Variants in ADD1 observed in about 807,000 individuals in gnomAD.
ADD1 encodes the protein alpha-adducin.
In ADD1, 24 loss-of-function variants were observed where a neutral mutation model predicts 80.5. The ratio of observed to expected loss-of-function variants is 0.30; its 90% CI spans 0.22 to 0.42. ADD1 has a LOEUF of 0.42. Ranked by LOEUF, ADD1 falls within the 10% of genes least tolerant of loss-of-function variation. ADD1 has a pLI of 1.00. For missense variants in ADD1, 948 were observed against 1,019.0 expected (o/e 0.93, Z 0.95); for synonymous variants, 373 against 393.8 (o/e 0.95, Z 0.63).
Position 2,926,757 on chromosome 4 carries a change from T to A in ADD1, c.2047+645T>A. ...CTGCTTCTTTGTTGTTTATTAAGTT[T>A]TGTTTTCTGTTTATTTAAAATAAAA... On this transcript the variant is annotated intron_variant, in intron 15 of 15. Transcript: ENST00000683351. The surrounding 1 kb of genome is among the most constrained non-coding windows in gnomAD (Gnocchi z 5.0). 4 of 1,459,138 alleles carry A rather than the reference T, an allele frequency of 2.7e-6. No individual in the cohort carries two copies. The South Asian group carries it at 3.7e-5, about 13-fold the overall frequency. The allele number at this position is 1,459,138 out of a possible 1,614,324, so 90.4% of individuals were successfully genotyped here. A position where few individuals can be genotyped will look rare whatever the true frequency, so the allele number is the denominator to read the frequency against.
intron 13 of ADD1, among the ~76,000 whole-genome samples, chr4:2,910,900 C>T (rs1000915251): frequency 6.6e-6 from 1 of 152,198 alleles, no homozygotes; most frequent in African/African-American, 2.4e-5. Flanking sequence ...ATCCTTGTTC[C>T]ACCTTTGTGT....
At chr4:2,913,645 G>A (rs961544289) in intron 13 of ADD1, among the ~76,000 whole-genome samples, 4 of 151,948 alleles carry the variant, frequency 2.6e-5, no homozygotes, top group Admixed American at 1.3e-4. Flanking sequence ...ATGCTAGGTG[G>A]TAACCCCTCA....
At chr4:2,852,189 T>TCTTTCTTTCTTTC (rs1553815101) in intron 1 of ADD1, among the ~76,000 whole-genome samples, 65 of 50,796 alleles carry the variant, frequency 1.3e-3, no homozygotes, top group African/African-American at 3.3e-3. Flanking sequence ...TTTCTTTCTT[T>TCTTTCTTTCTTTC]CTTTCTTTCC....
At chr4:2,847,617 T>C (rs1323160551) in intron 1 of ADD1, among the ~76,000 whole-genome samples, 1 of 152,220 alleles carries the variant, frequency 6.6e-6, no homozygotes, top group Non-Finnish European at 1.5e-5. Flanking sequence ...TTTATTTTGC[T>C]AGTGTTGAGA....
chr4:2,910,584 A>G (rs1055170147), intron 13 of ADD1, among the ~76,000 whole-genome samples: 7 of 152,006 alleles, frequency 4.6e-5, no homozygotes, highest in African/African-American at 1.7e-4. Context: ...TGTGCAGGCC[A>G]TGAGCCCAGC....
intron 9 of ADD1, among the ~76,000 whole-genome samples, chr4:2,904,364 A>G (rs1467896119): frequency 1.3e-5 from 2 of 152,204 alleles, no homozygotes; most frequent in African/African-American, 4.8e-5. Context: ...CATCTTCTGC[A>G]CTTTTAATGA....
intron 6 of ADD1, among the ~76,000 whole-genome samples, chr4:2,897,491 C>G (rs1447827384): frequency 6.8e-6 from 1 of 147,742 alleles, no homozygotes; most frequent in Non-Finnish European, 1.5e-5. Context: ...TTATCTACAA[C>G]CTAAGATAAA....
chr4:2,864,284 G>A (rs1322611444), intron 1 of ADD1, among the ~76,000 whole-genome samples: 1 of 152,142 alleles, frequency 6.6e-6, no homozygotes, highest in Non-Finnish European at 1.5e-5. Flanking sequence ...GTGGTGGCGT[G>A]TGCCCGTAGT....
At chr4:2,901,856 C>CCCCG (rs1553845592) in intron 9 of ADD1, 2 of 149,616 alleles carry the variant, frequency 1.3e-5, no homozygotes, top group South Asian at 2.1e-4. Context: ...TTGTCCCCCC[C>CCCCG]CCAAAAAAAA....
chr4:2,884,192 T>C (rs558109762), intron 3 of ADD1, among the ~76,000 whole-genome samples: 2 of 152,392 alleles, frequency 1.3e-5, no homozygotes, highest in South Asian at 2.1e-4. Flanking sequence ...CTTTTTGTTA[T>C]TGATTTCTAA....
chr4:2,882,002 G>A lies in ADD1; in HGVS notation c.300G>A (p.Thr100=), dbSNP rs762511882. The A allele has an allele frequency of 6.2e-7, 1 of 1,613,260 alleles. No homozygotes were observed. Among genetic ancestry groups the A allele is most frequent in the Admixed American group, 1.7e-5 (1 of 59,790 alleles). The change falls in exon 3 of 16, where the codon ACG becomes ACA. Residue 100 remains threonine, a synonymous_variant. Transcript: ENST00000683351. Reference sequence around the variant, plus strand: ...AGCAGATTGCAGATTTTATGACCACGAATGTACCAAATGTCTACCCAGCAG... The same window carrying A: ...AGCAGATTGCAGATTTTATGACCACAAATGTACCAAATGTCTACCCAGCAG... The part of the protein sequence containing the change: ...ALQQIADFMT[T]NVPNVYPAAP...
intron 14 of ADD1, among the ~76,000 whole-genome samples, chr4:2,916,782 A>G (rs529187512): frequency 1.0e-3 from 154 of 152,202 alleles, no homozygotes; most frequent in African/African-American, 3.5e-3. Flanking sequence ...GAGAACATGC[A>G]GTGTTTGGTT....
chr4:2,891,790 G>A (rs1734344565), intron 4 of ADD1, among the ~76,000 whole-genome samples: 1 of 152,188 alleles, frequency 6.6e-6, no homozygotes, highest in Non-Finnish European at 1.5e-5. Context: ...TTTGGATTTT[G>A]TGCTCTTAAC....
chr4:2,844,436 TCGGCTCTCGTATTTAAAAACGA>T (rs1238014753), intron 1 of ADD1: 1 of 152,224 alleles, frequency 6.6e-6, no homozygotes, highest in African/African-American at 2.4e-5. Flanking sequence ...GACGCATCTG[TCGGCTCTCGTATTTAAAAACGA>T]CGGCTTCTGC....
At chr4:2,910,559 C>T (rs925290984) in intron 13 of ADD1, among the ~76,000 whole-genome samples, 2 of 152,084 alleles carry the variant, frequency 1.3e-5, no homozygotes, top group Admixed American at 1.3e-4. Flanking sequence ...TTCTTTCTCT[C>T]AGGTGTGTGA....
At chr4:2,881,151 C>T (rs1477882677) in intron 2 of ADD1, among the ~76,000 whole-genome samples, 5 of 136,852 alleles carry the variant, frequency 3.7e-5, no homozygotes, top group Non-Finnish European at 7.6e-5. Context: ...AATCTCGGCT[C>T]ACTGCAACCT....
intron 2 of ADD1, 109 bp from the exon 3 acceptor site, chr4:2,881,789 T>A: frequency 3.6e-6 from 3 of 842,314 alleles, no homozygotes; most frequent in South Asian, 4.3e-5. Flanking sequence ...CGTTTGCCTT[T>A]CCAGCACTGG....
At chr4:2,925,421 A>AT (rs1369015102) in intron 14 of ADD1, among the ~76,000 whole-genome samples, 11 of 152,136 alleles carry the variant, frequency 7.2e-5, no homozygotes, top group Non-Finnish European at 4.4e-5. Flanking sequence ...GCTGGTCCAT[A>AT]TTTTCCCCGA....
intron 1 of ADD1, among the ~76,000 whole-genome samples, chr4:2,870,186 C>T (rs1344467209): frequency 6.6e-6 from 1 of 152,110 alleles, no homozygotes; most frequent in Non-Finnish European, 1.5e-5. Flanking sequence ...TTCAGAATTC[C>T]CTCATTATAT....
Sources: gnomAD v4.1 joint callset for allele counts (sites outside exome capture counted in the v4.1 genomes callset) on GRCh38, gnomAD v4.1.1 for gene constraint, Gnocchi (gnomAD v3.1) non-coding constraint, MANE v1.5 for transcripts, NCBI Gene and HGNC (gene_info 2026-07-23, HGNC 2026-07-21) for gene names.